The following GP1BB variants were observed in gnomAD, a reference collection of about 807,000 sequenced individuals.
GP1BB encodes glycoprotein Ib platelet subunit beta, also known as platelet glycoprotein Ib beta chain.
Under a neutral mutation model 2.5 loss-of-function variants are expected in GP1BB, and 3 were observed. The observed-to-expected ratio is 1.22, with a 90% CI of 0.56 to 3.15. The LOEUF (loss-of-function observed/expected upper bound fraction) is 3.15. GP1BB is among the 30% of genes most tolerant of loss of function. The pLI is 0.03. For synonymous variants in GP1BB, 191 were observed against 167.5 expected, an observed-to-expected ratio of 1.14 and a Z score of -1.08; for missense variants, 316 against 307.0, an observed-to-expected ratio of 1.03 and a Z score of -0.22.
Position 19,723,914 on chromosome 22 carries a change from C to G in GP1BB, c.71C>G (p.Ala24Gly). 1.3e-6 allele frequency: 2 copies of G among 1,522,766 alleles called. No homozygotes were observed. The highest frequency in any genetic ancestry group is 1.8e-6 in the Non-Finnish European group (2 of 1,142,036). 94.3% of individuals were successfully genotyped at this position (1,522,766 alleles called of 1,614,324 possible). ...LLLAPPSRPA[A>G]GCPAPCSCAG... ...CTGGCCCCGCCGAGCCGCCCGGCCG[C>G]AGGTTGCCCGGCGCCCTGTAGCTGC... Residue 24 changes from alanine to glycine, a missense_variant, in exon 2 of 2, where the codon GCA becomes GGA. Coordinates refer to ENST00000366425, the MANE Select transcript of GP1BB (RefSeq NM_000407.5).
At position 19,724,680 on chromosome 22, in the gene GP1BB, C is replaced by T. The variant is rs1936132063; in HGVS notation, c.*216C>T. On this transcript the variant is annotated 3_prime_UTR_variant, in exon 2 of 2. Transcript: ENST00000366425. ...CCCGAGGGAGGCGAACCCGCACTTC[C>T]AGGCTTGGGAGGACCATGGGGCACA... 1.7e-6 allele frequency: 1 copy of T among 594,670 alleles called. No homozygotes were observed. The highest frequency in any genetic ancestry group is 3.1e-6 in the Non-Finnish European group (1 of 327,658). 36.8% of individuals were successfully genotyped at this position (594,670 alleles called of 1,614,324 possible).
In GP1BB at chr22:19,723,938, G is replaced by T; in HGVS notation, c.95G>T (p.Cys32Phe). Residue 32 changes from cysteine to phenylalanine, a missense_variant, in exon 2 of 2, where the codon TGC becomes TTC. Physicochemically the swap from Cys to Phe is radical, Grantham distance 205. Coordinates refer to ENST00000366425, the MANE Select transcript of GP1BB (RefSeq NM_000407.5). ...PAAGCPAPCS[C>F]AGTLVDCGRR... ...GCAGGTTGCCCGGCGCCCTGTAGCT[G>T]CGCGGGGACGCTCGTGGACTGCGGG... The T allele has an allele frequency of 6.6e-7, 1 of 1,524,760 alleles. No homozygotes were observed. The allele number at this position is 1,524,760 out of a possible 1,614,324, so 94.5% of individuals were successfully genotyped here. A position where few individuals can be genotyped will look rare whatever the true frequency, so the allele number is the denominator to read the frequency against.
chr22:19,723,773 C>A, intron 1 of GP1BB, 81 bp from the exon 2 acceptor site: 2 of 1,394,674 alleles, frequency 1.4e-6, no homozygotes, highest in Non-Finnish European at 9.6e-7. Flanking sequence ...CTGGATGGAG[C>A]CGGGCCGGCA....
chr22:19,724,096 C>A lies in GP1BB; in HGVS notation c.253C>A (p.His85Asn). 2 of 1,465,766 alleles carry A rather than the reference C, an allele frequency of 1.4e-6. No individual in the cohort carries two copies. Among genetic ancestry groups the A allele is most frequent in the Middle Eastern group, 4.3e-4 (2 of 4,618 alleles). 90.8% of individuals were successfully genotyped at this position (1,465,766 alleles called of 1,614,324 possible). A position where few individuals can be genotyped will look rare whatever the true frequency, so the allele number is the denominator to read the frequency against. ...LDALPALRTA[H>N]LGANPWRCDC... ...CGCGCTGCCCGCGCTGCGCACCGCA[C>A]ACCTGGGCGCCAACCCCTGGCGCTG... Residue 85 changes from histidine (H) to asparagine (N), a missense_variant, in exon 2 of 2, where the codon CAC becomes AAC. Transcript: ENST00000366425.
Position 19,724,372 on chromosome 22 carries a change from A to C in GP1BB, c.529A>C (p.Arg177=), listed in dbSNP as rs1403083728. Residue 177 remains arginine, a synonymous_variant, in exon 2 of 2, where the codon AGG becomes CGG. Transcript: ENST00000366425. The part of the protein sequence containing the change: ...LLVLLLCRLR[R]LRARARARAA... ...GGTGCTGCTGCTGTGCCGCCTGCGG[A>C]GGCTGCGGGCCCGGGCCCGCGCTCG... is the stretch of plus-strand genomic sequence containing the variant. The C allele has an allele frequency of 2.0e-6, 3 of 1,496,064 alleles. No individual in the cohort carries two copies. In the Admixed American group the frequency reaches 7.0e-5, roughly 35 times the overall value. The allele number at this position is 1,496,064 out of a possible 1,614,324, so 92.7% of individuals were successfully genotyped here.
rs1404764804 is a variant in GP1BB at position 19,724,574 on chromosome 22, G to A, written c.*110G>A. 9 of 768,636 alleles carry A rather than the reference G, an allele frequency of 1.2e-5. No individual in the cohort carries two copies. The East Asian group carries it at 1.7e-4, about 14-fold the overall frequency. 47.6% of individuals were successfully genotyped at this position (768,636 alleles called of 1,614,324 possible). A position where few individuals can be genotyped will look rare whatever the true frequency, so the allele number is the denominator to read the frequency against. Reference sequence around the variant, plus strand: ...CTCGCGCCAACCTGGACCGGTCCCCGCCTCCTCCGCTGCCCAATCTCTCAG... The same window carrying A: ...CTCGCGCCAACCTGGACCGGTCCCCACCTCCTCCGCTGCCCAATCTCTCAG... On this transcript the variant is annotated 3_prime_UTR_variant, in exon 2 of 2. Coordinates refer to ENST00000366425, the MANE Select transcript of GP1BB (RefSeq NM_000407.5).
At position 19,723,882 on chromosome 22, in the gene GP1BB, C is replaced by T; in HGVS notation, c.39C>T (p.Leu13=). The T allele has an allele frequency of 2.6e-6, 4 of 1,522,822 alleles. No individual in the cohort carries two copies. Among genetic ancestry groups the T allele is most frequent in the Middle Eastern group, 2.2e-4 (1 of 4,512 alleles). The allele number at this position is 1,522,822 out of a possible 1,614,324, so 94.3% of individuals were successfully genotyped here. ...CGCGCGGGGCGCTGAGCTTACTGCT[C>T]CTGCTGCTGGCCCCGCCGAGCCGCC... ...SGPRGALSLL[L]LLLAPPSRPA... The change falls in exon 2 of 2, where the codon CTC becomes CTT. Residue 13 remains leucine (L), a synonymous_variant. Transcript: ENST00000366425.
intron 1 of GP1BB, 34 bp from the exon 2 acceptor site, chr22:19,723,820 G>T: frequency 1.3e-6 from 2 of 1,511,500 alleles, no homozygotes; most frequent in South Asian, 2.5e-5. Flanking sequence ...GGTGCCCGCC[G>T]ACCGCTCGGC....
chr22:19,723,701 C>G, intron 1 of GP1BB, 122 bp downstream of exon 1: 2 of 1,353,310 alleles, frequency 1.5e-6, no homozygotes, highest in Non-Finnish European at 2.0e-6. Context: ...GACTTCCAGC[C>G]GGCGTGCGGG....
chr22:19,723,873 C>G lies in GP1BB; in HGVS notation c.30C>G (p.Ser10Arg). 6.6e-7 allele frequency: 1 copy of G among 1,523,888 alleles called. No individual in the cohort carries two copies. The allele number at this position is 1,523,888 out of a possible 1,614,324, so 94.4% of individuals were successfully genotyped here. The change falls in exon 2 of 2, where the codon AGC becomes AGG. Residue 10 changes from serine (S) to arginine (R), a missense_variant. Physicochemically the swap from Ser to Arg is moderately radical, Grantham distance 110 (BLOSUM62 -1). Transcript: ENST00000366425. ...TTGCAGGGCCGCGCGGGGCGCTGAG[C>G]TTACTGCTCCTGCTGCTGGCCCCGC... MGSGPRGALSLLLLLLAPPS... is the reference protein window; with the variant it reads MGSGPRGALRLLLLLLAPPS...
rs1936132285 is a variant in GP1BB, at chr22:19,724,695, C to A, written c.*231C>A. ...CCCGCACTTCCAGGCTTGGGAGGAC[C>A]ATGGGGCACAATGCGGTCCAGACCC... On this transcript the variant is annotated 3_prime_UTR_variant, in exon 2 of 2. Coordinates refer to ENST00000366425, the MANE Select transcript of GP1BB (RefSeq NM_000407.5). 5.1e-6 allele frequency: 3 copies of A among 582,718 alleles called. No homozygotes were observed. Among genetic ancestry groups the A allele is most frequent in the Non-Finnish European group, 9.3e-6 (3 of 321,646 alleles). The allele number at this position is 582,718 out of a possible 1,614,324, so 36.1% of individuals were successfully genotyped here. A position where few individuals can be genotyped will look rare whatever the true frequency, so the allele number is the denominator to read the frequency against.
rs1238459029 is a variant in GP1BB at position 19,724,110 on chromosome 22, C to T, written c.267C>T (p.Asn89=). The change falls in exon 2 of 2, where the codon AAC becomes AAT. Residue 89 remains asparagine, a synonymous_variant. Transcript: ENST00000366425. ...PALRTAHLGA[N]PWRCDCRLVP... ...TGCGCACCGCACACCTGGGCGCCAA[C>T]CCCTGGCGCTGCGACTGCCGCCTTG... 52 of 1,443,392 alleles carry T rather than the reference C, an allele frequency of 3.6e-5. No homozygotes were observed. The highest frequency in any genetic ancestry group is 4.5e-5 in the Non-Finnish European group (50 of 1,100,584). The allele number at this position is 1,443,392 out of a possible 1,614,324, so 89.4% of individuals were successfully genotyped here.
Position 19,724,249 on chromosome 22 carries a change from G to T in GP1BB, c.406G>T (p.Glu136Ter), listed in dbSNP as rs953345181. The change falls in exon 2 of 2, where the codon GAG (glutamate) becomes TAG (stop). Residue 136 changes from glutamate to a stop codon, truncating the protein, a stop_gained. Coordinates refer to ENST00000366425, the MANE Select transcript of GP1BB (RefSeq NM_000407.5). LOFTEE classifies it low-confidence loss of function (END_TRUNC). ...GRLLPYLAED[E>*]LRAACAPGPL... ...CCTGCTGCCCTATCTGGCCGAGGAC[G>T]AGCTGCGCGCCGCTTGCGCTCCCGG... is the stretch of plus-strand genomic sequence containing the variant. 6.4e-6 allele frequency: 8 copies of T among 1,242,768 alleles called. No individual in the cohort carries two copies. The highest frequency in any genetic ancestry group is 7.0e-6 in the Non-Finnish European group (7 of 997,364). The allele number at this position is 1,242,768 out of a possible 1,614,324, so 77.0% of individuals were successfully genotyped here. A position where few individuals can be genotyped will look rare whatever the true frequency, so the allele number is the denominator to read the frequency against.
Position 19,723,945 on chromosome 22 carries a change from G to A in GP1BB, c.102G>A (p.Gly34=), listed in dbSNP as rs574497337. 128 of 1,518,506 alleles carry A rather than the reference G, an allele frequency of 8.4e-5. No homozygotes were observed. The African/African-American group carries it at 1.3e-3, about 15-fold the overall frequency. 94.1% of individuals were successfully genotyped at this position (1,518,506 alleles called of 1,614,324 possible). A position where few individuals can be genotyped will look rare whatever the true frequency, so the allele number is the denominator to read the frequency against. The change falls in exon 2 of 2, where the codon GGG becomes GGA. Residue 34 remains glycine, a synonymous_variant. Transcript: ENST00000366425. ...AGCPAPCSCA[G]TLVDCGRRGL... ...GCCCGGCGCCCTGTAGCTGCGCGGG[G>A]ACGCTCGTGGACTGCGGGCGCCGCG... is the stretch of plus-strand genomic sequence containing the variant.
Position 19,724,675 on chromosome 22 carries a change from A to C in GP1BB, c.*211A>C. ...CCTACCCCGAGGGAGGCGAACCCGC[A>C]CTTCCAGGCTTGGGAGGACCATGGG... is the stretch of plus-strand genomic sequence containing the variant. On this transcript the variant is annotated 3_prime_UTR_variant, in exon 2 of 2. Transcript: ENST00000366425. The C allele has an allele frequency of 3.4e-6, 2 of 596,108 alleles. No individual in the cohort carries two copies. The highest frequency in any genetic ancestry group is 5.8e-5 in the East Asian group (2 of 34,588). The allele number at this position is 596,108 out of a possible 1,614,324, so 36.9% of individuals were successfully genotyped here. A position where few individuals can be genotyped will look rare whatever the true frequency, so the allele number is the denominator to read the frequency against.
In GP1BB at chr22:19,724,269, T is replaced by C; in HGVS notation, c.426T>C (p.Ala142=). ...AGGACGAGCTGCGCGCCGCTTGCGC[T>C]CCCGGCCCGCTCTGCTGGGGGGCGC... The part of the protein sequence containing the change: ...LAEDELRAAC[A]PGPLCWGALA... Residue 142 remains alanine, a synonymous_variant, in exon 2 of 2, where the codon GCT becomes GCC. Transcript: ENST00000366425. The C allele has an allele frequency of 2.4e-6, 3 of 1,265,960 alleles. No individual in the cohort carries two copies. The highest frequency in any genetic ancestry group is 3.0e-6 in the Non-Finnish European group (3 of 1,011,050). The allele number at this position is 1,265,960 out of a possible 1,614,324, so 78.4% of individuals were successfully genotyped here.
rs1345537102 is a variant in GP1BB at position 19,724,207 on chromosome 22, C to T, written c.364C>T (p.Pro122Ser). The change falls in exon 2 of 2, where the codon CCA (proline) becomes TCA (serine). Residue 122 changes from proline (P) to serine (S), a missense_variant. Physicochemically the swap from Pro to Ser is moderately conservative, Grantham distance 74. Transcript: ENST00000366425. ...CCGCGACCTGCGTTGCGTGGCGCCC[C>T]CAGCGCTGCGCGGCCGCCTGCTGCC... ...PYRDLRCVAP[P>S]ALRGRLLPYL... 65 of 1,227,952 alleles carry T rather than the reference C, an allele frequency of 5.3e-5. No individual in the cohort carries two copies. The highest frequency in any genetic ancestry group is 6.5e-5 in the Non-Finnish European group (64 of 988,992). 76.1% of individuals were successfully genotyped at this position (1,227,952 alleles called of 1,614,324 possible).
chr22:19,724,077 G>A lies in GP1BB; in HGVS notation c.234G>A (p.Leu78=). ...TGCCGCCGGGGCTGCTGGACGCGCT[G>A]CCCGCGCTGCGCACCGCACACCTGG... The part of the protein sequence containing the change: ...TALPPGLLDA[L]PALRTAHLGA... The change falls in exon 2 of 2, where the codon CTG becomes CTA. Residue 78 remains leucine (L), a synonymous_variant. Coordinates refer to ENST00000366425, the MANE Select transcript of GP1BB (RefSeq NM_000407.5). 6.7e-7 allele frequency: 1 copy of A among 1,499,432 alleles called. No individual in the cohort carries two copies. The highest frequency in any genetic ancestry group is 8.9e-7 in the Non-Finnish European group (1 of 1,129,776). 92.9% of individuals were successfully genotyped at this position (1,499,432 alleles called of 1,614,324 possible). A position where few individuals can be genotyped will look rare whatever the true frequency, so the allele number is the denominator to read the frequency against.
chr22:19,723,875 T>TA lies in GP1BB; in HGVS notation c.33dup (p.Leu12ThrfsTer20). 1 of 1,523,788 alleles carries TA rather than the reference T, an allele frequency of 6.6e-7. No individual in the cohort carries two copies. The highest frequency in any genetic ancestry group is 1.4e-5 in the African/African-American group (1 of 71,692). The allele number at this position is 1,523,788 out of a possible 1,614,324, so 94.4% of individuals were successfully genotyped here. On this transcript the variant is annotated frameshift_variant, in exon 2 of 2. Transcript: ENST00000366425. LOFTEE classifies it low-confidence loss of function (END_TRUNC). ...GCAGGGCCGCGCGGGGCGCTGAGCT[T>TA]ACTGCTCCTGCTGCTGGCCCCGCCG...
Sources: allele counts gnomAD v4.1 joint callset, GRCh38; gene constraint gnomAD v4.1.1; transcripts MANE v1.5; gene names NCBI Gene and HGNC (gene_info 2026-07-23, HGNC 2026-07-21).